PLEKHA6: variants seen among roughly 807,000 people sequenced by gnomAD.
PLEKHA6 encodes pleckstrin homology domain-containing family A member 6.
Under a neutral mutation model 116.7 loss-of-function variants are expected in PLEKHA6, and 60 were observed. That is an observed-to-expected ratio of 0.51 (90% CI 0.42 to 0.64). PLEKHA6 has a LOEUF of 0.64. Ranked by LOEUF, PLEKHA6 falls within the 30% of genes least tolerant of loss-of-function variation. The pLI, the probability that PLEKHA6 is intolerant of heterozygous loss-of-function variation, is 0.00. For missense variants in PLEKHA6, 1,338 were observed against 1,422.7 expected (o/e 0.94, Z 0.96); for synonymous variants, 489 against 556.1 (o/e 0.88, Z 1.70).
chr1:204,229,964 G>T (rs186501213), intron 18 of PLEKHA6, among the ~76,000 whole-genome samples: 153 of 152,286 alleles, frequency 1.0e-3, no homozygotes, highest in African/African-American at 3.4e-3. Flanking sequence ...ACCCAATGTT[G>T]TTAAAAGGAT....
chr1:204,329,163 G>A (rs1672357532), intron 1 of PLEKHA6, among the ~76,000 whole-genome samples: 1 of 152,188 alleles, frequency 6.6e-6, no homozygotes, highest in South Asian at 2.1e-4. Context: ...GATTAAACAT[G>A]GCTGAATTGT....
chr1:204,332,738 AGGGACCTCAAGACTAATCCC>A (rs1558186770), intron 1 of PLEKHA6, among the ~76,000 whole-genome samples: 1 of 152,152 alleles, frequency 6.6e-6, no homozygotes, highest in Admixed American at 6.5e-5. Flanking sequence ...CTGAAGGTCA[AGGGACCTCAAGACTAATCCC>A]GGCAGCAGTC....
intron 9 of PLEKHA6, among the ~76,000 whole-genome samples, chr1:204,250,998 G>A (rs1201917806): frequency 6.6e-6 from 1 of 152,206 alleles, no homozygotes; most frequent in African/African-American, 2.4e-5. Flanking sequence ...TAAGACATAG[G>A]GGAATGGTCG....
chr1:204,276,661 C>T (rs2102925840), intron 1 of PLEKHA6, among the ~76,000 whole-genome samples: 1 of 151,930 alleles, frequency 6.6e-6, no homozygotes, highest in Admixed American at 6.5e-5. Context: ...CACACACACA[C>T]ACACACACAC....
chr1:204,245,650 T>C lies in PLEKHA6; in HGVS notation c.1997A>G (p.Asn666Ser), dbSNP rs369425771. ...QDVMEGLRKN[N>S]PSRGTDTAKH... is the part of the protein sequence containing the mutation. ...GGCGGTGTCCGTGCCCCGGGAGGGG[T>C]TGTTCTTCCTCAGCCCCTCCATCAC... The change falls in exon 14 of 23, where the codon AAC becomes AGC. Residue 666 changes from asparagine to serine, a missense_variant. Physicochemically the swap from Asn to Ser is conservative, Grantham distance 46. Transcript: ENST00000272203. The C allele has an allele frequency of 6.2e-7, 1 of 1,612,940 alleles. No homozygotes were observed. Among genetic ancestry groups the C allele is most frequent in the African/African-American group, 1.3e-5 (1 of 74,874 alleles).
intron 1 of PLEKHA6, among the ~76,000 whole-genome samples, chr1:204,278,726 T>C (rs1396779717): frequency 6.6e-6 from 1 of 152,226 alleles, no homozygotes; most frequent in Non-Finnish European, 1.5e-5. Context: ...TGATTTATCC[T>C]GGTGACAGGA....
intron 1 of PLEKHA6, among the ~76,000 whole-genome samples, chr1:204,348,436 A>G (rs569014877): frequency 6.6e-6 from 1 of 152,202 alleles, no homozygotes; most frequent in East Asian, 1.9e-4. Context: ...TGCAAAGAGC[A>G]AAGTCCATTT....
chr1:204,226,565 C>T (rs1320656962), intron 21 of PLEKHA6, among the ~76,000 whole-genome samples: 4 of 152,134 alleles, frequency 2.6e-5, no homozygotes, highest in Non-Finnish European at 5.9e-5. Flanking sequence ...TCAACAGAGG[C>T]CTGCTTCCTT....
At chr1:204,303,792 C>T (rs1046033972) in intron 1 of PLEKHA6, among the ~76,000 whole-genome samples, 1 of 152,218 alleles carries the variant, frequency 6.6e-6, no homozygotes, top group African/African-American at 2.4e-5. Context: ...CGGCTAACTG[C>T]AACCTCTGCC....
chr1:204,356,207 T>C (rs1180572346), intron 1 of PLEKHA6, among the ~76,000 whole-genome samples: 2 of 152,186 alleles, frequency 1.3e-5, no homozygotes, highest in Non-Finnish European at 2.9e-5. Flanking sequence ...AAATACCTAG[T>C]TTAACATAGG....
chr1:204,316,640 G>A (rs534889832), intron 1 of PLEKHA6, among the ~76,000 whole-genome samples: 25 of 152,214 alleles, frequency 1.6e-4, no homozygotes, highest in Non-Finnish European at 3.2e-4. Context: ...AGTTTCCCTC[G>A]GTTTCCCATC....
rs761550075 is a variant in PLEKHA6, at chr1:204,228,209, T to C, written c.2905A>G (p.Ile969Val). 1 of 1,609,170 alleles carries C rather than the reference T, an allele frequency of 6.2e-7. No individual in the cohort carries two copies. The highest frequency in any genetic ancestry group is 1.1e-5 in the South Asian group (1 of 90,534). The change falls in exon 21 of 23, where the codon ATC becomes GTC. Residue 969 changes from isoleucine (I) to valine (V), a missense_variant. Ile to Val is a conservative substitution (Grantham distance 29, BLOSUM62 3). Coordinates refer to ENST00000272203, the MANE Select transcript of PLEKHA6 (RefSeq NM_014935.5). This position sits in a 1 kb window ranked among gnomAD's most constrained non-coding sequence, Gnocchi z 4.0. ...ACGTCCACAGAGTCCCCCTCGCCGA[T>C]GGGCACCACGTTCTGCATACTGAAG... ...AKSSMQNVVP[I>V]GEGDSVDVPQ...
At chr1:204,369,361 C>T (rs1160162810) in intron 2 of PLEKHA6, 7 of 151,900 alleles carry the variant, frequency 4.6e-5, no homozygotes, top group South Asian at 2.1e-4. Flanking sequence ...GTGCTGTCTC[C>T]AAAGCCCACA....
chr1:204,261,573 G>A lies in PLEKHA6; in HGVS notation c.382-125C>T. 1 of 1,098,534 alleles carries A rather than the reference G, an allele frequency of 9.1e-7. No individual in the cohort carries two copies. Among genetic ancestry groups the A allele is most frequent in the Non-Finnish European group, 1.3e-6 (1 of 772,086 alleles). The allele number at this position is 1,098,534 out of a possible 1,614,324, so 68.0% of individuals were successfully genotyped here. On this transcript the variant is annotated intron_variant, in intron 6 of 22. Coordinates refer to ENST00000272203, the MANE Select transcript of PLEKHA6 (RefSeq NM_014935.5). The surrounding 1 kb of genome is among the most constrained non-coding windows in gnomAD (Gnocchi z 4.0). ...CAGTTGGGCCATTCCCTGCACCTGGGGCTCTTCCCCATGCGGAGCTCAGGA... is the reference window on the plus strand; with the variant it reads ...CAGTTGGGCCATTCCCTGCACCTGGAGCTCTTCCCCATGCGGAGCTCAGGA...
intron 1 of PLEKHA6, among the ~76,000 whole-genome samples, chr1:204,310,553 C>T (rs1331786853): frequency 6.6e-6 from 1 of 152,226 alleles, no homozygotes; most frequent in African/African-American, 2.4e-5. Context: ...CATTTACATA[C>T]AACCTTGACC....
At chr1:204,235,833 C>CA (rs1268972373) in intron 17 of PLEKHA6, among the ~76,000 whole-genome samples, 1 of 152,200 alleles carries the variant, frequency 6.6e-6, no homozygotes, top group Non-Finnish European at 1.5e-5. Context: ...ATGCTGCCAT[C>CA]AGCCTTTCCA....
intron 17 of PLEKHA6, among the ~76,000 whole-genome samples, chr1:204,231,234 A>G (rs532081616): frequency 6.6e-6 from 1 of 152,350 alleles, no homozygotes; most frequent in East Asian, 1.9e-4. Context: ...AAAGCCTAGT[A>G]GATTTCCTTG....
intron 17 of PLEKHA6, among the ~76,000 whole-genome samples, chr1:204,231,003 C>T (rs1661109717): frequency 6.6e-6 from 1 of 152,214 alleles, no homozygotes; most frequent in African/African-American, 2.4e-5. Flanking sequence ...CTGCCACCAC[C>T]TGGATTTTAG....
At chr1:204,231,583 T>C (rs1262810100) in intron 17 of PLEKHA6, among the ~76,000 whole-genome samples, 1 of 151,214 alleles carries the variant, frequency 6.6e-6, no homozygotes, top group East Asian at 1.9e-4. Flanking sequence ...TTTTTTTTTT[T>C]CTGAGATGGG....
Sources: gnomAD v4.1 joint callset for allele counts (sites outside exome capture counted in the v4.1 genomes callset) on GRCh38, gnomAD v4.1.1 for gene constraint, Gnocchi (gnomAD v3.1) non-coding constraint, MANE v1.5 for transcripts, NCBI Gene and HGNC (gene_info 2026-07-23, HGNC 2026-07-21) for gene names.